FAAH2: variants seen among roughly 807,000 people sequenced by gnomAD.
FAAH2 encodes fatty-acid amide hydrolase 2.
FAAH2 carries 60 observed loss-of-function variants against 36.9 expected under a neutral mutation model. The observed-to-expected ratio is 1.63, with a 90% CI of 1.32 to 2.02. The LOEUF is 2.02. FAAH2 is among the 30% of genes most tolerant of loss of function. The pLI, the probability that FAAH2 is intolerant of heterozygous loss-of-function variation, is 0.00. For missense variants in FAAH2, 689 were observed against 397.5 expected (o/e 1.73, Z -6.23); for synonymous variants, 214 against 143.8 (o/e 1.49, Z -3.49).
At chrX:57,434,860 C>T (rs1217410054) in intron 8 of FAAH2, among the ~76,000 whole-genome samples, 1 of 111,004 alleles carries the variant, frequency 9.0e-6, no homozygotes, top group Non-Finnish European at 1.9e-5. Flanking sequence ...AGAAATACTT[C>T]TATGATCAGC....
chrX:57,392,035 T>G (rs1337325917), intron 7 of FAAH2, among the ~76,000 whole-genome samples: 2 of 111,443 alleles, frequency 1.8e-5, no homozygotes, highest in East Asian at 5.6e-4. Flanking sequence ...ACCTCCTTGG[T>G]TAAACATATT....
the FAAH2 span, among the ~76,000 whole-genome samples, chrX:57,127,791 G>A: frequency 2.7e-5 from 3 of 110,615 alleles, no homozygotes; most frequent in Non-Finnish European, 5.7e-5. Flanking sequence ...CTTAACCAAT[G>A]TTAAATCCCT....
chrX:57,230,217 C>T, the FAAH2 span, among the ~76,000 whole-genome samples: 1 of 112,069 alleles, frequency 8.9e-6, no homozygotes, highest in African/African-American at 3.2e-5. Context: ...CATTCTTTCC[C>T]GTGTTCTTAC....
the FAAH2 span, among the ~76,000 whole-genome samples, chrX:57,275,598 C>G: frequency 8.9e-6 from 1 of 112,176 alleles, no homozygotes; most frequent in African/African-American, 3.2e-5. Flanking sequence ...TGTAAATGGG[C>G]TTAAAGCCCC....
At chrX:57,238,317 G>A in the FAAH2 span, among the ~76,000 whole-genome samples, 2 of 111,827 alleles carry the variant, frequency 1.8e-5, no homozygotes, top group African/African-American at 6.5e-5. Context: ...TATGCAGCCA[G>A]AAAAAAGAAT....
chrX:57,237,031 T>C, the FAAH2 span, among the ~76,000 whole-genome samples: 1 of 112,048 alleles, frequency 8.9e-6, no homozygotes, highest in African/African-American at 3.2e-5. Context: ...ATGATGTTTG[T>C]ATGCAGTTAA....
chrX:57,306,917 GTATA>G (rs1204844099), intron 2 of FAAH2, among the ~76,000 whole-genome samples: 1 of 75,797 alleles, frequency 1.3e-5, no homozygotes, highest in African/African-American at 4.4e-5. Context: ...GTACTATATA[GTATA>G]TATAGTGTGT....
rs192969685 is a variant in FAAH2 at position 57,375,995 on chromosome X, C to A, written c.743-2656C>A. On this transcript the variant is annotated intron_variant, in intron 5 of 10. Coordinates refer to ENST00000374900, the MANE Select transcript of FAAH2 (RefSeq NM_174912.4). ...GTTTTTGTGGTAAAGATTATACTTT[C>A]CCCACTGCATTGCAGTGCCATCTTT... 3.0e-3 allele frequency among the ~76,000 whole-genome samples: 335 copies of A among 111,163 alleles called. 2 individuals carry two copies. The highest frequency in any genetic ancestry group is 0.011 in the African/African-American group (324 of 30,634).
chrX:57,448,070 G>A (rs1031323753), intron 9 of FAAH2, among the ~76,000 whole-genome samples: 9 of 111,591 alleles, frequency 8.1e-5, no homozygotes, highest in African/African-American at 1.3e-4. Flanking sequence ...ACTCACTGCA[G>A]CATTGACCTC....
At chrX:57,160,918 C>G in the FAAH2 span, among the ~76,000 whole-genome samples, 2 of 111,602 alleles carry the variant, frequency 1.8e-5, no homozygotes, top group East Asian at 5.6e-4. Flanking sequence ...AATGTGTTTG[C>G]TCTTGCTTCT....
At chrX:57,318,902 A>G (rs1450641195) in intron 3 of FAAH2, among the ~76,000 whole-genome samples, 1 of 112,105 alleles carries the variant, frequency 8.9e-6, no homozygotes, top group Non-Finnish European at 1.9e-5. Flanking sequence ...TCACTTAAAC[A>G]GAACCAATGA....
At chrX:57,159,967 T>A in the FAAH2 span, among the ~76,000 whole-genome samples, 6 of 111,758 alleles carry the variant, frequency 5.4e-5, no homozygotes, top group Admixed American at 5.7e-4. Context: ...TGATATTGAC[T>A]GTGGGTTTGT....
the FAAH2 span, among the ~76,000 whole-genome samples, chrX:57,170,823 ACCTCCC>A: frequency 9.2e-6 from 1 of 108,480 alleles, no homozygotes; most frequent in African/African-American, 3.4e-5. Flanking sequence ...TCCTGCCTCA[ACCTCCC>A]TAGTAGCTGG....
the FAAH2 span, chrX:57,229,503 A>T: frequency 4.5e-5 from 5 of 111,407 alleles, no homozygotes; most frequent in Non-Finnish European, 9.4e-5. Context: ...ACATATTTTG[A>T]ATCTTTTTTG....
chrX:57,144,327 T>C, the FAAH2 span, among the ~76,000 whole-genome samples: 1 of 103,971 alleles, frequency 9.6e-6, no homozygotes, highest in East Asian at 3.1e-4. Flanking sequence ...TTCTTTAACA[T>C]TCTTGTATTT....
chrX:57,355,872 G>A, intron 5 of FAAH2, among the ~76,000 whole-genome samples: 1 of 111,090 alleles, frequency 9.0e-6, no homozygotes, highest in East Asian at 2.8e-4. Context: ...CTTCATTTTA[G>A]ATGAAAAATT....
chrX:57,133,612 TTTGTTG>T, the FAAH2 span, among the ~76,000 whole-genome samples: 1 of 111,962 alleles, frequency 8.9e-6, no homozygotes, highest in African/African-American at 3.3e-5. Context: ...CGTTTTTGTT[TTTGTTG>T]TTGTTGTCAT....
At chrX:57,450,059 T>C (rs1353839476) in intron 10 of FAAH2, among the ~76,000 whole-genome samples, 1 of 111,555 alleles carries the variant, frequency 9.0e-6, no homozygotes, top group Non-Finnish European at 1.9e-5. Flanking sequence ...ACAGGTAAAA[T>C]ACTTTAGTCA....
chrX:57,456,688 A>G (rs1212261541), intron 10 of FAAH2, among the ~76,000 whole-genome samples: 2 of 112,279 alleles, frequency 1.8e-5, no homozygotes, highest in Non-Finnish European at 3.8e-5. Flanking sequence ...GTTAGAAAAT[A>G]TAGATACAAT....
Sources: gnomAD v4.1 joint callset for allele counts (sites outside exome capture counted in the v4.1 genomes callset) on GRCh38, gnomAD v4.1.1 for gene constraint, MANE v1.5 for transcripts, NCBI Gene and HGNC (gene_info 2026-07-23, HGNC 2026-07-21) for gene names.